GCA: variants seen among roughly 807,000 people sequenced by gnomAD.
GCA encodes grancalcin.
In GCA, 30 loss-of-function variants were observed where a neutral mutation model predicts 32.6. The observed-to-expected ratio is 0.92, with a 90% CI of 0.69 to 1.25. The LOEUF (loss-of-function observed/expected upper bound fraction) is 1.25, where lower values mean the gene tolerates loss of function less well. Among genes scored for constraint, GCA ranks in the 50% most tolerant of loss-of-function variants. The probability of loss-of-function intolerance (pLI) is 0.00; values close to 1 mark genes in which losing one functional copy is unlikely to be tolerated. For synonymous variants in GCA, 102 were observed against 84.6 expected, an observed-to-expected ratio of 1.21 and a Z score of -1.13; for missense variants, 291 against 266.8, an observed-to-expected ratio of 1.09 and a Z score of -0.63.
chr2:162,373,698 A>C, downstream of GCA: 10 of 1,360,280 alleles, frequency 7.4e-6, no homozygotes, highest in Non-Finnish European at 9.6e-6. Flanking sequence ...AGACAGTCTA[A>C]AATAGTCCAG....
At chr2:162,342,923 C>G (rs1254224244), upstream of GCA, among the ~76,000 whole-genome samples, 1 of 152,180 alleles carries the variant, frequency 6.6e-6, no homozygotes, top group Non-Finnish European at 1.5e-5. Context: ...TTTATTTATG[C>G]CAATAATTTA....
chr2:162,352,461 A>T (rs1356532558), intron 3 of GCA, 54 bp downstream of exon 3: 1 of 1,065,814 alleles, frequency 9.4e-7, no homozygotes, highest in East Asian at 2.4e-5. Flanking sequence ...TTATTTTCTT[A>T]CTTTTTTTGT....
At chr2:162,330,955 C>T (rs1177593515) in intron 1 of GCA, among the ~76,000 whole-genome samples, 1 of 152,168 alleles carries the variant, frequency 6.6e-6, no homozygotes, top group African/African-American at 2.4e-5. Flanking sequence ...TGTTTAAAGA[C>T]ATTTTATTTA....
chr2:162,357,741 G>A (rs1685354336), intron 5 of GCA, among the ~76,000 whole-genome samples: 1 of 151,484 alleles, frequency 6.6e-6, no homozygotes, highest in Non-Finnish European at 1.5e-5. Context: ...AATACCTAAT[G>A]GATTAAACCT....
intron 1 of GCA, among the ~76,000 whole-genome samples, chr2:162,324,501 C>A (rs1355892321): frequency 2.0e-5 from 3 of 152,204 alleles, no homozygotes; most frequent in Non-Finnish European, 4.4e-5. Flanking sequence ...TCTCAACCTT[C>A]AGCCTCCTAT....
At chr2:162,344,583 A>G in intron 1 of GCA, 1 of 477,476 alleles carries the variant, frequency 2.1e-6, no homozygotes, top group Non-Finnish European at 3.8e-6. Flanking sequence ...TTCTTGTTCC[A>G]GTAATCGTTT....
chr2:162,335,081 T>G (rs1417148684), intron 1 of GCA, among the ~76,000 whole-genome samples: 1 of 152,110 alleles, frequency 6.6e-6, no homozygotes. Flanking sequence ...CCTTATTAGT[T>G]TAACCTACTC....
chr2:162,368,254 ATTTG>A (rs570853235), intron 4 of GCA, among the ~76,000 whole-genome samples: 11 of 151,712 alleles, frequency 7.3e-5, no homozygotes, highest in Non-Finnish European at 1.6e-4. Flanking sequence ...ATAGAAACAT[ATTTG>A]TTTTACTGTA....
In GCA at chr2:162,356,841, T is replaced by C; in HGVS notation, c.390T>C (p.Thr130=). The C allele has an allele frequency of 6.2e-7, 1 of 1,610,588 alleles. No individual in the cohort carries two copies. Among genetic ancestry groups the C allele is most frequent in the Non-Finnish European group, 8.5e-7 (1 of 1,177,372 alleles). The change falls in exon 5 of 8, where the codon ACT becomes ACC. Residue 130 remains threonine, a synonymous_variant. Coordinates refer to ENST00000437150, the MANE Select transcript of GCA (RefSeq NM_012198.5). ...ALNAWKENFM[T]VDQDGSGTVE... ...ATGCCTGGAAGGAAAACTTCATGACTGTTGATCAAGATGGAAGTGGCACAG... is the reference window on the plus strand; with the variant it reads ...ATGCCTGGAAGGAAAACTTCATGACCGTTGATCAAGATGGAAGTGGCACAG...
intron 1 of GCA, among the ~76,000 whole-genome samples, chr2:162,326,441 G>A (rs1683882024): frequency 6.6e-6 from 1 of 152,206 alleles, no homozygotes. Flanking sequence ...AGTATAAGCT[G>A]AGGGTGGTGA....
At chr2:162,372,208 TA>T, downstream of GCA, 1 of 844,694 alleles carries the variant, frequency 1.2e-6, no homozygotes, top group Non-Finnish European at 1.8e-6. Flanking sequence ...TATATTTGAT[TA>T]GTGATATTAG....
rs1170175105 is a variant in GCA at position 162,344,200 on chromosome 2, C to T, written c.-49C>T. The stretch of plus-strand genomic sequence containing the variant: ...TGCGCCTGTGCTTTTTCTCCCAGCA[C>T]TGCGGACGCGACTCGAGGGTGACGC... On this transcript the variant is annotated 5_prime_UTR_variant, in exon 1 of 8. Transcript: ENST00000437150. 7 of 1,610,956 alleles carry T rather than the reference C, an allele frequency of 4.3e-6. No individual in the cohort carries two copies. Among genetic ancestry groups the T allele is most frequent in the African/African-American group, 1.3e-5 (1 of 74,874 alleles).
chr2:162,373,207 A>C (rs896953252), downstream of GCA, among the ~76,000 whole-genome samples: 1 of 152,066 alleles, frequency 6.6e-6, no homozygotes, highest in African/African-American at 2.4e-5. Flanking sequence ...TCTGGAAGAA[A>C]GGTTTTCCTT....
At chr2:162,372,958 G>A (rs1404664271), downstream of GCA, among the ~76,000 whole-genome samples, 4 of 152,100 alleles carry the variant, frequency 2.6e-5, no homozygotes, top group Non-Finnish European at 5.9e-5. Flanking sequence ...GATGGGTGGG[G>A]TACAGACAAG....
Position 162,360,735 on chromosome 2 carries a change from CA to C in GCA, c.*495del. On this transcript the variant is annotated 3_prime_UTR_variant, in exon 8 of 8. Transcript: ENST00000437150. ...TTTGTAATATAGTTTGTTCCTTGAT[CA>C]AATAATCAGAGAAAAGAAACTTAAA... 1 of 1,395,802 alleles carries C rather than the reference CA, an allele frequency of 7.2e-7. No homozygotes were observed. The highest frequency in any genetic ancestry group is 9.3e-7 in the Non-Finnish European group (1 of 1,076,674). 86.5% of individuals were successfully genotyped at this position (1,395,802 alleles called of 1,614,324 possible).
In GCA at chr2:162,352,415, C is replaced by CT. The variant is rs2105329826; in HGVS notation, c.262+14dup. ...TTAATGGAACTTACTCTCGTGAGAT[C>CT]TTTTTTCCCCTTTTGTTGAAATTAT... On this transcript the variant is annotated intron_variant, in intron 3 of 7. Transcript: ENST00000437150. 3.4e-6 allele frequency: 5 copies of CT among 1,460,758 alleles called. No homozygotes were observed. The highest frequency in any genetic ancestry group is 4.5e-5 in the East Asian group (2 of 43,986). The allele number at this position is 1,460,758 out of a possible 1,614,324, so 90.5% of individuals were successfully genotyped here. A position where few individuals can be genotyped will look rare whatever the true frequency, so the allele number is the denominator to read the frequency against.
intron 3 of GCA, among the ~76,000 whole-genome samples, chr2:162,353,627 G>A (rs1251672018): frequency 6.6e-6 from 1 of 152,074 alleles, no homozygotes; most frequent in Non-Finnish European, 1.5e-5. Context: ...TGTTTCTAGC[G>A]TCCCTTGTTG....
chr2:162,323,259 GT>G (rs551470785), intron 1 of GCA, among the ~76,000 whole-genome samples: 280 of 151,832 alleles, frequency 1.8e-3, no homozygotes, highest in African/African-American at 6.4e-3. Context: ...GGGGTTGTTT[GT>G]TTTTTTCTTG....
chr2:162,366,950 C>A (rs1051370659), downstream of GCA, among the ~76,000 whole-genome samples: 1 of 151,760 alleles, frequency 6.6e-6, no homozygotes, highest in Non-Finnish European at 1.5e-5. Context: ...TTTTAGAAGA[C>A]CTTAAGTAGT....
Sources: gnomAD v4.1 joint callset for allele counts (sites outside exome capture counted in the v4.1 genomes callset) on GRCh38, gnomAD v4.1.1 for gene constraint, MANE v1.5 for transcripts, NCBI Gene and HGNC (gene_info 2026-07-23, HGNC 2026-07-21) for gene names.